DENND1C: variants seen among roughly 807,000 people sequenced by gnomAD.
DENND1C encodes the protein DENN domain containing 1C.
Under a neutral mutation model 87.9 loss-of-function variants are expected in DENND1C, and 64 were observed. That is an observed-to-expected ratio of 0.73 (90% confidence interval 0.60 to 0.90). The LOEUF (loss-of-function observed/expected upper bound fraction) is 0.90, where lower values mean the gene tolerates loss of function less well. Among genes scored for constraint, DENND1C ranks in the 40% least tolerant of loss-of-function variants. The probability of loss-of-function intolerance (pLI) is 0.00; values close to 1 mark genes in which losing one functional copy is unlikely to be tolerated. For missense variants in DENND1C, 980 were observed against 1,037.0 expected (o/e 0.95, Z 0.76); for synonymous variants, 384 against 424.4 (o/e 0.90, Z 1.17).
Position 6,479,987 on chromosome 19 carries a change from C to A in DENND1C, c.82G>T (p.Asp28Tyr), listed in dbSNP as rs1445260056. The A allele has an allele frequency of 1.2e-6, 2 of 1,608,736 alleles. No homozygotes were observed. The highest frequency in any genetic ancestry group is 1.7e-6 in the Non-Finnish European group (2 of 1,177,826). Residue 28 changes from aspartate (D) to tyrosine (Y), a missense_variant and splice_region_variant, in exon 2 of 23, where the codon GAT (aspartate) becomes TAT (tyrosine). Asp to Tyr is a radical substitution (Grantham distance 160). Transcript: ENST00000381480. ...CCTCACTCCCAGGCTCCCAACTCAC[C>A]CTCCTGCAGGGAGGCAGGGCAGGCC... is the stretch of plus-strand genomic sequence containing the variant. The part of the protein sequence containing the change: ...EAACPASLQE[D>Y]PPILRQFPPD...
intron 6 of DENND1C, among the ~76,000 whole-genome samples, chr19:6,478,388 G>C (rs1486031530): frequency 6.6e-6 from 1 of 151,564 alleles, no homozygotes; most frequent in African/African-American, 2.4e-5. Context: ...GATTACAGGC[G>C]TGTGCCACGA....
chr19:6,480,464 C>A (rs348394), intron 1 of DENND1C: 246,927 of 974,684 alleles, frequency 0.25, 36,290 homozygotes, highest in East Asian at 0.61. Context: ...CTCTCTCTCT[C>A]TATATATATA....
chr19:6,481,593 T>A, intron 1 of DENND1C, 86 bp downstream of exon 1: 1 of 1,589,900 alleles, frequency 6.3e-7, no homozygotes, highest in Non-Finnish European at 8.6e-7. Context: ...CTCCCGGGCC[T>A]GCTCCAGCCC....
In DENND1C at chr19:6,477,208, C is replaced by A; in HGVS notation, c.513+10G>T. 1.3e-6 allele frequency: 2 copies of A among 1,587,476 alleles called. No homozygotes were observed. Among genetic ancestry groups the A allele is most frequent in the Non-Finnish European group, 1.7e-6 (2 of 1,167,530 alleles). On this transcript the variant is annotated intron_variant, in intron 8 of 22. Transcript: ENST00000381480. ...CCCCCGACCTTCCAGGGTCCCCGAG[C>A]CCCGCTCACCGGCTTGCTATTCCCC...
chr19:6,469,229 C>T (rs1226390312), intron 19 of DENND1C, among the ~76,000 whole-genome samples: 1 of 152,082 alleles, frequency 6.6e-6, no homozygotes, highest in Non-Finnish European at 1.5e-5. Flanking sequence ...TGGGGTTTCA[C>T]CATGTTGGTC....
rs746951264 is a variant in DENND1C, at chr19:6,475,881, G to A, written c.735C>T (p.His245=). 1.4e-5 allele frequency: 22 copies of A among 1,562,420 alleles called. No individual in the cohort carries two copies. Among genetic ancestry groups the A allele is most frequent in the Middle Eastern group, 3.4e-4 (2 of 5,946 alleles). The part of the protein sequence containing the change: ...CALLYPMRWE[H]VLIPTLPPHL... The stretch of plus-strand genomic sequence containing the variant: ...GTGGGGGCAGCGTGGGGATCAGCAC[G>A]TGCTCCCAGCGCATGGGGTACAGGA... The change falls in exon 11 of 23, where the codon CAC becomes CAT. Residue 245 remains histidine (H), a synonymous_variant. Coordinates refer to ENST00000381480, the MANE Select transcript of DENND1C (RefSeq NM_024898.4).
intron 10 of DENND1C, chr19:6,476,146 T>C (rs555722995): frequency 1.8e-6 from 1 of 565,064 alleles, no homozygotes; most frequent in East Asian, 3.1e-5. Flanking sequence ...CCAGGACTCA[T>C]ACCGTCCTGA....
In DENND1C at chr19:6,477,433, TGAA is replaced by T; in HGVS notation, c.389_391del (p.Leu130del). 6.2e-7 allele frequency: 1 copy of T among 1,611,660 alleles called. No homozygotes were observed. Among genetic ancestry groups the T allele is most frequent in the Non-Finnish European group, 8.5e-7 (1 of 1,179,172 alleles). ...AGACAGGGACTGCTGAAACAGATTT[TGAA>T]GAAGTTCCTCTGCCTCGGTGACCTG... On this transcript the variant is annotated inframe_deletion, in exon 7 of 23. Coordinates refer to ENST00000381480, the MANE Select transcript of DENND1C (RefSeq NM_024898.4).
At position 6,478,996 on chromosome 19, in the gene DENND1C, G is replaced by A. The variant is rs1395159278; in HGVS notation, c.237C>T (p.Asn79=). ...FTFALTDLAG[N]RRFGFCRLRA... ...GCAGGCGGCAGAAACCAAATCTGCG[G>A]TTGCCGGCAAGGTCTGTGAGGGCGA... Residue 79 remains asparagine (N), a synonymous_variant, in exon 5 of 23, where the codon AAC becomes AAT. Transcript: ENST00000381480. 7.4e-6 allele frequency: 12 copies of A among 1,613,804 alleles called. No homozygotes were observed. The highest frequency in any genetic ancestry group is 9.3e-6 in the Non-Finnish European group (11 of 1,179,864).
Position 6,477,092 on chromosome 19 carries a change from C to T in DENND1C, c.549G>A (p.Leu183=). Residue 183 remains leucine (L), a synonymous_variant, in exon 9 of 23, where the codon CTG becomes CTA. Coordinates refer to ENST00000381480, the MANE Select transcript of DENND1C (RefSeq NM_024898.4). ...SCFVAPDSGR[L]PSIPENRNLT... is the part of the protein sequence containing the mutation. The stretch of plus-strand genomic sequence containing the variant: ...CACTCACGTTCTCAGGGATGGATGG[C>T]AGGCGGCCGGAGTCCGGGGCCACGA... 1 of 1,605,782 alleles carries T rather than the reference C, an allele frequency of 6.2e-7. No homozygotes were observed. Among genetic ancestry groups the T allele is most frequent in the Non-Finnish European group, 8.5e-7 (1 of 1,176,120 alleles).
At position 6,472,884 on chromosome 19, in the gene DENND1C, C is replaced by G. The variant is rs775380965; in HGVS notation, c.1158+5G>C. 1 of 1,539,348 alleles carries G rather than the reference C, an allele frequency of 6.5e-7. No individual in the cohort carries two copies. The highest frequency in any genetic ancestry group is 1.4e-5 in the African/African-American group (1 of 72,562). On this transcript the variant is annotated splice_donor_5th_base_variant and intron_variant, in intron 15 of 22. Coordinates refer to ENST00000381480, the MANE Select transcript of DENND1C (RefSeq NM_024898.4). ...CCCAGCTGGACCCTCAGGGCTCTGG[C>G]ATACCTGTTTGAACAGCTGCAGGTG...
Position 6,479,978 on chromosome 19 carries a change from C to G in DENND1C, c.82+9G>C. ...CTCCCACTCCCTCACTCCCAGGCTCCCAACTCACCCTCCTGCAGGGAGGCA... is the reference window on the plus strand; with the variant it reads ...CTCCCACTCCCTCACTCCCAGGCTCGCAACTCACCCTCCTGCAGGGAGGCA... On this transcript the variant is annotated intron_variant, in intron 2 of 22. Transcript: ENST00000381480. The G allele has an allele frequency of 6.2e-7, 1 of 1,606,964 alleles. No homozygotes were observed.
At chr19:6,480,469 T>G (rs1426218815) in intron 1 of DENND1C, 1 of 984,832 alleles carries the variant, frequency 1.0e-6, no homozygotes, top group Middle Eastern at 5.2e-4. Context: ...TCTCTCTATA[T>G]ATATATCCAT....
intron 10 of DENND1C, 181 bp downstream of exon 10, chr19:6,476,676 G>GC: frequency 1.6e-6 from 1 of 622,892 alleles, no homozygotes. Flanking sequence ...CTGCAGCGCA[G>GC]CCCCCTCCCA....
chr19:6,480,386 T>G, intron 1 of DENND1C: 4 of 1,222,188 alleles, frequency 3.3e-6, no homozygotes, highest in East Asian at 8.9e-5. Context: ...CTGTCTCCTA[T>G]ATCTGTGGCA....
At chr19:6,481,535 C>T in intron 1 of DENND1C, 144 bp downstream of exon 1, 2 of 1,163,270 alleles carry the variant, frequency 1.7e-6, no homozygotes, top group South Asian at 2.9e-5. Flanking sequence ...ATAGCGGAGG[C>T]CCATGGAGTA....
intron 1 of DENND1C, among the ~76,000 whole-genome samples, chr19:6,480,963 T>G (rs1161167819): frequency 6.6e-6 from 1 of 151,736 alleles, no homozygotes; most frequent in Non-Finnish European, 1.5e-5. Context: ...GTGAATGACA[T>G]CTATATTTTC....
chr19:6,481,749 T>A lies in DENND1C; in HGVS notation c.-54A>T. The A allele has an allele frequency of 6.7e-7, 1 of 1,494,074 alleles. No individual in the cohort carries two copies. Among genetic ancestry groups the A allele is most frequent in the South Asian group, 1.3e-5 (1 of 74,644 alleles). The allele number at this position is 1,494,074 out of a possible 1,614,324, so 92.6% of individuals were successfully genotyped here. A position where few individuals can be genotyped will look rare whatever the true frequency, so the allele number is the denominator to read the frequency against. ...CCTCTCCCCAGGGGTCCTGGGGGCC[T>A]GTGTATGCTGGGCCCCAAGCCGGCT... On this transcript the variant is annotated 5_prime_UTR_variant, in exon 1 of 23. Transcript: ENST00000381480.
At chr19:6,481,014 C>G (rs1277489715) in intron 1 of DENND1C, among the ~76,000 whole-genome samples, 1 of 151,892 alleles carries the variant, frequency 6.6e-6, no homozygotes, top group African/African-American at 2.4e-5. Context: ...GCGTGGGATC[C>G]TTGTGGGCTG....
Sources: allele counts gnomAD v4.1 joint callset (sites outside exome capture counted in the v4.1 genomes callset), GRCh38; gene constraint gnomAD v4.1.1; transcripts MANE v1.5; gene names NCBI Gene and HGNC (gene_info 2026-07-23, HGNC 2026-07-21).